Variants in WWTR1 observed in about 807,000 individuals in gnomAD.
WWTR1 encodes the protein WW domain containing transcription regulator 1.
A neutral mutation model predicts 40.1 loss-of-function variants in WWTR1; 13 were observed. That is an observed-to-expected ratio of 0.32 (90% CI 0.21 to 0.52). The LOEUF (loss-of-function observed/expected upper bound fraction) is 0.52, where lower values mean the gene tolerates loss of function less well. Among genes scored for constraint, WWTR1 ranks in the 20% least tolerant of loss-of-function variants. The pLI, the probability that WWTR1 is intolerant of heterozygous loss-of-function variation, is 0.97. For synonymous variants in WWTR1, 230 were observed against 210.1 expected (o/e 1.09, Z -0.82); for missense variants, 436 against 523.1 (o/e 0.83, Z 1.63).
intron 3 of WWTR1, among the ~76,000 whole-genome samples, chr3:149,556,620 T>C (rs991901438): frequency 1.1e-4 from 17 of 151,926 alleles, no homozygotes. Flanking sequence ...AAGAGGCCAC[T>C]CCTTGGGATC....
intron 4 of WWTR1, among the ~76,000 whole-genome samples, 177 bp downstream of exon 4, chr3:149,542,157 AG>A (rs1254602835): frequency 6.6e-6 from 1 of 152,216 alleles, no homozygotes. Context: ...CGTTCTGAAA[AG>A]GCAGGCAGAA....
At chr3:149,539,668 C>T (rs1424653576) in intron 4 of WWTR1, among the ~76,000 whole-genome samples, 2 of 152,178 alleles carry the variant, frequency 1.3e-5, no homozygotes, top group Non-Finnish European at 2.9e-5. Context: ...CCCCATCTCT[C>T]CAAATTCCTA....
intron 2 of WWTR1, among the ~76,000 whole-genome samples, chr3:149,626,835 T>G (rs1466681539): frequency 6.6e-6 from 1 of 152,184 alleles, no homozygotes; most frequent in Non-Finnish European, 1.5e-5. Flanking sequence ...GCGCACAGGT[T>G]GTTGAACACC....
At chr3:149,585,251 G>A (rs1738368262) in intron 2 of WWTR1, among the ~76,000 whole-genome samples, 1 of 151,908 alleles carries the variant, frequency 6.6e-6, no homozygotes, top group Admixed American at 6.6e-5. Context: ...TTTTGCCTCA[G>A]TCTCCTGAGT....
At chr3:149,703,178 G>A (rs1715248182) in exon 1 of WWTR1, 1 of 152,304 alleles carries the variant, frequency 6.6e-6, no homozygotes. Context: ...TAGTCACTCT[G>A]AGGTTTCTCT....
chr3:149,548,937 T>G (rs1001991826), intron 3 of WWTR1, among the ~76,000 whole-genome samples: 1 of 152,172 alleles, frequency 6.6e-6, no homozygotes, highest in Non-Finnish European at 1.5e-5. Context: ...AGCACCTATT[T>G]CCTAACAGTA....
rs567745188 is a variant in WWTR1, at chr3:149,544,939, G to A, written c.569-2402C>T. On this transcript the variant is annotated intron_variant, in intron 3 of 6. Transcript: ENST00000360632. ...AGTGTATATTGCCTAGACAGTTTAG[G>A]TTTCCCCCTTAGAATTAAGCCTGCC... Among the ~76,000 whole-genome samples, 4 of 152,246 alleles carry A rather than the reference G, an allele frequency of 2.6e-5. No homozygotes were observed. In the East Asian group the frequency reaches 7.7e-4, roughly 29 times the overall value.
intron 2 of WWTR1, among the ~76,000 whole-genome samples, chr3:149,619,212 T>A (rs1294613206): frequency 6.6e-6 from 1 of 152,102 alleles, no homozygotes; most frequent in African/African-American, 2.4e-5. Context: ...AAGGCAATCC[T>A]ATGAGGAGCC....
chr3:149,613,513 C>T lies in WWTR1; in HGVS notation c.432-40513G>A, dbSNP rs564063405. ...CAGCCAATCTCCACTCCCGGCATCTCTTCTTTGATTTACTAACTTATATTC... is the reference window on the plus strand; with the variant it reads ...CAGCCAATCTCCACTCCCGGCATCTTTTCTTTGATTTACTAACTTATATTC... On this transcript the variant is annotated intron_variant, in intron 2 of 6. Coordinates refer to ENST00000360632, the MANE Select transcript of WWTR1 (RefSeq NM_015472.6). 2.0e-4 allele frequency among the ~76,000 whole-genome samples: 30 copies of T among 152,278 alleles called. No homozygotes were observed. In the South Asian group the frequency reaches 5.2e-3, roughly 26 times the overall value.
intron 1 of WWTR1, among the ~76,000 whole-genome samples, chr3:149,685,657 A>G (rs1157103497): frequency 3.9e-5 from 6 of 152,180 alleles, no homozygotes; most frequent in Admixed American, 3.3e-4. Flanking sequence ...CTAAGTCCAG[A>G]TGATATTGCT....
At chr3:149,723,042 T>C (rs566708524) in intron 4 of WWTR1, among the ~76,000 whole-genome samples, 67 of 152,106 alleles carry the variant, frequency 4.4e-4, no homozygotes, top group Non-Finnish European at 8.4e-4. Context: ...TTATTTTTTT[T>C]CCCCCTTTAA....
rs1463998446 is a variant in WWTR1 at position 149,580,889 on chromosome 3, G to C, written c.432-7889C>G. 7.9e-5 allele frequency among the ~76,000 whole-genome samples: 12 copies of C among 152,328 alleles called. No homozygotes were observed. The South Asian group carries it at 2.3e-3, about 29-fold the overall frequency. On this transcript the variant is annotated intron_variant, in intron 2 of 6. Transcript: ENST00000360632. ...AGGCTCCCAAAGTGCTGGGATTATA[G>C]GCGTGAGCCACCGCGCCTGGCGACA...
At chr3:149,651,915 C>T (rs974211068) in intron 2 of WWTR1, among the ~76,000 whole-genome samples, 2 of 150,434 alleles carry the variant, frequency 1.3e-5, no homozygotes, top group Admixed American at 6.6e-5. Context: ...CTGCAAGCTC[C>T]GCCTCCGGGG....
intron 3 of WWTR1, among the ~76,000 whole-genome samples, chr3:149,559,313 A>G (rs1560060086): frequency 6.9e-6 from 1 of 145,932 alleles, no homozygotes; most frequent in African/African-American, 2.6e-5. Context: ...AAAAAAAAAA[A>G]GAAAAGAAAA....
At chr3:149,637,389 C>T (rs1711888488) in intron 2 of WWTR1, among the ~76,000 whole-genome samples, 1 of 151,786 alleles carries the variant, frequency 6.6e-6, no homozygotes, top group South Asian at 2.1e-4. Flanking sequence ...CCATGCCCAG[C>T]TAATTTTTTT....
At chr3:149,627,615 A>T (rs1740627934) in intron 2 of WWTR1, among the ~76,000 whole-genome samples, 2 of 152,208 alleles carry the variant, frequency 1.3e-5, no homozygotes, top group African/African-American at 4.8e-5. Flanking sequence ...CAAAGTTTGT[A>T]TTAAACCAAA....
chr3:149,671,611 C>T (rs1415927373), intron 1 of WWTR1, among the ~76,000 whole-genome samples: 1 of 152,082 alleles, frequency 6.6e-6, no homozygotes, highest in East Asian at 1.9e-4. Context: ...TTAAAATAAA[C>T]TATTGCAATT....
At chr3:149,662,297 G>C (rs1292017009), upstream of WWTR1, among the ~76,000 whole-genome samples, 1 of 152,082 alleles carries the variant, frequency 6.6e-6, no homozygotes, top group Non-Finnish European at 1.5e-5. Flanking sequence ...ATTTTAAATC[G>C]TGTGATACTT....
At chr3:149,526,808 C>G (rs1019123088) in intron 5 of WWTR1, among the ~76,000 whole-genome samples, 1 of 152,160 alleles carries the variant, frequency 6.6e-6, no homozygotes, top group Non-Finnish European at 1.5e-5. Flanking sequence ...GTTTGCCAGA[C>G]GTCTCTGCAA....
Sources: allele counts gnomAD v4.1 joint callset (sites outside exome capture counted in the v4.1 genomes callset), GRCh38; gene constraint gnomAD v4.1.1; transcripts MANE v1.5; gene names NCBI Gene and HGNC (gene_info 2026-07-23, HGNC 2026-07-21).